PCDH15: variants seen among roughly 807,000 people sequenced by gnomAD.
PCDH15 encodes the protein protocadherin-15.
Under a neutral mutation model 178.5 loss-of-function variants are expected in PCDH15, and 129 were observed. That is an observed-to-expected ratio of 0.72 (90% CI 0.63 to 0.84). PCDH15 has a LOEUF of 0.84. Among genes scored for constraint, PCDH15 ranks in the 40% least tolerant of loss-of-function variants. The pLI is 0.00. For synonymous variants in PCDH15, 800 were observed against 732.0 expected (o/e 1.09, Z -1.50); for missense variants, 2,230 against 2,099.9 (o/e 1.06, Z -1.21).
intron 2 of PCDH15, among the ~76,000 whole-genome samples, chr10:54,608,956 A>G (rs2092865382): frequency 6.6e-6 from 1 of 152,124 alleles, no homozygotes; most frequent in Non-Finnish European, 1.5e-5. Context: ...CTCAATCTAT[A>G]AGATGTATGT....
intron 18 of PCDH15, among the ~76,000 whole-genome samples, chr10:54,054,765 ATAT>A (rs1156505689): frequency 1.3e-5 from 2 of 152,162 alleles, no homozygotes; most frequent in Non-Finnish European, 2.9e-5. Flanking sequence ...TCTATTGTAA[ATAT>A]TATTATGTAG....
chr10:54,957,465 T>C (rs528761268), intron 2 of PCDH15, among the ~76,000 whole-genome samples: 10 of 151,786 alleles, frequency 6.6e-5, no homozygotes, highest in Middle Eastern at 3.4e-3. Context: ...TCCTCCACTT[T>C]CAAACAGAAC....
intron 2 of PCDH15, among the ~76,000 whole-genome samples, chr10:55,082,538 T>C (rs1329061722): frequency 7.6e-6 from 1 of 131,642 alleles, no homozygotes; most frequent in Non-Finnish European, 1.7e-5. Flanking sequence ...CCAAAATTAG[T>C]AGAAGAAAAG....
intron 2 of PCDH15, among the ~76,000 whole-genome samples, chr10:54,572,942 T>C (rs779346107): frequency 3.9e-5 from 6 of 152,136 alleles, no homozygotes; most frequent in Non-Finnish European, 5.9e-5. Context: ...TTTTGTATCC[T>C]TGAGGAAATC....
intron 1 of PCDH15, among the ~76,000 whole-genome samples, chr10:55,289,477 G>A (rs1246067602): frequency 6.6e-6 from 1 of 151,514 alleles, no homozygotes. Flanking sequence ...GAGTGAGGAA[G>A]GGAGGGGGAG....
At chr10:54,683,679 G>A (rs1342953262) in intron 1 of PCDH15, among the ~76,000 whole-genome samples, 1 of 152,042 alleles carries the variant, frequency 6.6e-6, no homozygotes, top group Non-Finnish European at 1.5e-5. Context: ...TCAAACATTA[G>A]AGGCAAGACT....
intron 2 of PCDH15, among the ~76,000 whole-genome samples, chr10:55,577,590 T>C (rs1278088268): frequency 6.6e-6 from 1 of 152,178 alleles, no homozygotes; most frequent in East Asian, 1.9e-4. Context: ...CATTGTTTTA[T>C]ATAAAAACGA....
chr10:53,968,567 T>C (rs2089303012), intron 21 of PCDH15, among the ~76,000 whole-genome samples: 1 of 152,196 alleles, frequency 6.6e-6, no homozygotes, highest in Non-Finnish European at 1.5e-5. Context: ...AGTGGGTCCC[T>C]GACCCCCAAG....
intron 6 of PCDH15, among the ~76,000 whole-genome samples, chr10:54,341,960 T>G (rs889210857): frequency 6.6e-6 from 1 of 152,196 alleles, no homozygotes; most frequent in African/African-American, 2.4e-5. Flanking sequence ...CCTGTCTTTT[T>G]CTGAAAGCAT....
chr10:53,821,033 A>G lies in PCDH15; in HGVS notation c.4368-803T>C, dbSNP rs187576673. Reference sequence around the variant, plus strand: ...TTAAATTAGGGAGATGATTAATAATATGAACAAACAAAATTAAACAGCACT... The same window carrying G: ...TTAAATTAGGGAGATGATTAATAATGTGAACAAACAAAATTAAACAGCACT... On this transcript the variant is annotated intron_variant, in intron 32 of 37. Transcript: ENST00000644397. 1.0e-4 allele frequency: 87 copies of G among 862,382 alleles called. 1 individual carries two copies. The African/African-American group carries it at 1.2e-3, about 12-fold the overall frequency. The allele number at this position is 862,382 out of a possible 1,614,324, so 53.4% of individuals were successfully genotyped here.
intron 3 of PCDH15, among the ~76,000 whole-genome samples, chr10:54,518,337 A>C (rs1356247117): frequency 6.6e-6 from 1 of 151,662 alleles, no homozygotes; most frequent in Non-Finnish European, 1.5e-5. Flanking sequence ...AGAAAAAAAG[A>C]GAGAAGAATC....
At chr10:55,121,806 AC>A (rs921852975) in intron 2 of PCDH15, among the ~76,000 whole-genome samples, 2 of 151,992 alleles carry the variant, frequency 1.3e-5, no homozygotes, top group African/African-American at 2.4e-5. Context: ...CCTCCAGAGG[AC>A]CCAGCAACAA....
At chr10:55,279,058 G>A (rs1842665023) in intron 1 of PCDH15, among the ~76,000 whole-genome samples, 2 of 152,166 alleles carry the variant, frequency 1.3e-5, no homozygotes, top group East Asian at 3.8e-4. Context: ...CTGAAAGATA[G>A]TTTGGGCAAA....
intron 2 of PCDH15, among the ~76,000 whole-genome samples, chr10:55,349,822 G>A (rs911964674): frequency 6.6e-6 from 1 of 152,084 alleles, no homozygotes; most frequent in Non-Finnish European, 1.5e-5. Context: ...CTTAGAGAGA[G>A]AGCATGCAAG....
At chr10:55,000,306 G>A (rs1839769075) in intron 2 of PCDH15, among the ~76,000 whole-genome samples, 1 of 152,156 alleles carries the variant, frequency 6.6e-6, no homozygotes, top group African/African-American at 2.4e-5. Flanking sequence ...GATGTTCCTT[G>A]CTGAGAAAAA....
rs140982386 is a variant in PCDH15 at position 55,193,709 on chromosome 10, C to T, written c.-155-27058G>A. 4.7e-3 allele frequency among the ~76,000 whole-genome samples: 711 copies of T among 151,910 alleles called. 11 individuals carry two copies. The highest frequency in any genetic ancestry group is 0.016 in the African/African-American group (672 of 41,430). On this transcript the variant is annotated intron_variant, in intron 1 of 5. Transcript: ENST00000458638. ...TATGTGTGTTTTTAACTTTATCATG[C>T]ATTTAGTACTGGAGATATTTGTCTT...
chr10:54,213,993 A>G lies in PCDH15; in HGVS notation c.1041T>C (p.Leu347=). Residue 347 remains leucine, a synonymous_variant, in exon 10 of 38, where the codon CTT becomes CTC. Transcript: ENST00000644397. ...FFHMHPRTAE[L]SLLEPVNRDF... ...CTCTGTTTACTGGCTCCAGGAGACT[A>G]AGTTCTGCTGTCCTAGGATGCATAT... 6.2e-7 allele frequency: 1 copy of G among 1,612,352 alleles called. No homozygotes were observed. Among genetic ancestry groups the G allele is most frequent in the Non-Finnish European group, 8.5e-7 (1 of 1,178,566 alleles).
intron 8 of PCDH15, among the ~76,000 whole-genome samples, chr10:54,301,964 C>T (rs2060175432): frequency 1.3e-5 from 2 of 152,236 alleles, no homozygotes; most frequent in East Asian, 1.9e-4. Flanking sequence ...GTTATAGTGA[C>T]TACACTGTGG....
chr10:53,862,633 G>A (rs2079175736), intron 27 of PCDH15, among the ~76,000 whole-genome samples: 3 of 152,092 alleles, frequency 2.0e-5, no homozygotes, highest in Non-Finnish European at 4.4e-5. Context: ...TGTTTTCAAT[G>A]AAATGACAGG....
Sources: allele counts gnomAD v4.1 joint callset (sites outside exome capture counted in the v4.1 genomes callset), GRCh38; gene constraint gnomAD v4.1.1; transcripts MANE v1.5; gene names NCBI Gene and HGNC (gene_info 2026-07-23, HGNC 2026-07-21).